The following OGDH variants were observed in gnomAD, a reference collection of about 807,000 sequenced individuals.
The protein encoded by OGDH is oxoglutarate dehydrogenase.
In OGDH, 38 loss-of-function variants were observed where a neutral mutation model predicts 116.6. The observed-to-expected ratio is 0.33, with a 90% CI of 0.25 to 0.43. The LOEUF (loss-of-function observed/expected upper bound fraction) is 0.43. OGDH is among the 20% of genes least tolerant of loss of function. The pLI, the probability that OGDH is intolerant of heterozygous loss-of-function variation, is 1.00. For missense variants in OGDH, 825 were observed against 1,357.2 expected (o/e 0.61, Z 6.16); for synonymous variants, 488 against 533.3 (o/e 0.92, Z 1.17).
chr7:44,629,607 T>C (rs1386767807), intron 2 of OGDH, among the ~76,000 whole-genome samples: 1 of 142,572 alleles, frequency 7.0e-6, no homozygotes, highest in Non-Finnish European at 1.5e-5. Context: ...TTGAGACGAG[T>C]CTCGCTCTGT....
chr7:44,673,731 CATT>C (rs1483975555), intron 5 of OGDH, 53 bp from the exon 6 acceptor site: 6 of 1,583,088 alleles, frequency 3.8e-6, no homozygotes, highest in Non-Finnish European at 5.2e-6. Context: ...CGGCAGTCTT[CATT>C]CAGCCAGGCC....
chr7:44,638,781 G>A (rs185799997), intron 2 of OGDH, among the ~76,000 whole-genome samples: 5 of 152,302 alleles, frequency 3.3e-5, no homozygotes, highest in African/African-American at 1.2e-4. Flanking sequence ...ATCCCTTCCA[G>A]GTGTCTCTTC....
chr7:44,702,797 C>T (rs573997319), intron 20 of OGDH, among the ~76,000 whole-genome samples: 34 of 152,118 alleles, frequency 2.2e-4, no homozygotes, highest in African/African-American at 7.7e-4. Context: ...GGGGTTTCAC[C>T]GTGTTAGCCA....
At chr7:44,609,970 G>A (rs1051902830) in intron 1 of OGDH, among the ~76,000 whole-genome samples, 2 of 151,928 alleles carry the variant, frequency 1.3e-5, no homozygotes, top group Non-Finnish European at 2.9e-5. Flanking sequence ...GTGCTTATTT[G>A]CCATCTGTCT....
chr7:44,705,782 CA>C (rs1554311268), intron 20 of OGDH, among the ~76,000 whole-genome samples: 1 of 152,168 alleles, frequency 6.6e-6, no homozygotes, highest in Non-Finnish European at 1.5e-5. Context: ...TATAGAAACA[CA>C]ACTGGTTTTG....
rs756313461 is a variant in OGDH at position 44,701,632 on chromosome 7, T to C, written c.2632+17T>C. 7.6e-5 allele frequency: 122 copies of C among 1,612,486 alleles called. No homozygotes were observed. The Admixed American group carries it at 1.7e-3, about 23-fold the overall frequency. On this transcript the variant is annotated intron_variant, in intron 20 of 22. Coordinates refer to ENST00000222673, the MANE Select transcript of OGDH (RefSeq NM_002541.4). ...TGCTTCCAGGTGGGTGTGAGGGAGA[T>C]GGGCATTTCCTTGGGGGAAGCTATG...
At chr7:44,647,601 T>A in intron 3 of OGDH, 56 bp from the exon 4 acceptor site, 1 of 1,591,660 alleles carries the variant, frequency 6.3e-7, no homozygotes, top group Non-Finnish European at 8.6e-7. Flanking sequence ...TTCCCTCTTT[T>A]TTTTTCTTCT....
intron 2 of OGDH, among the ~76,000 whole-genome samples, chr7:44,636,352 C>T (rs1785669043): frequency 3.3e-5 from 5 of 152,212 alleles, no homozygotes; most frequent in Admixed American, 2.6e-4. Flanking sequence ...GAGCTTGGCC[C>T]TCAAGACTCC....
chr7:44,708,082 G>A lies in OGDH; in HGVS notation c.*83G>A. 6.5e-7 allele frequency: 1 copy of A among 1,532,624 alleles called. No homozygotes were observed. The allele number at this position is 1,532,624 out of a possible 1,614,324, so 94.9% of individuals were successfully genotyped here. The stretch of plus-strand genomic sequence containing the variant: ...TTCTCAACTAAAGAATAGTGCCTCA[G>A]CGCTGCCCACACCACCGCCCTCCTC... On this transcript the variant is annotated 3_prime_UTR_variant, in exon 23 of 23. Coordinates refer to ENST00000222673, the MANE Select transcript of OGDH (RefSeq NM_002541.4).
chr7:44,647,679 A>C lies in OGDH; in HGVS notation c.437A>C (p.Gln146Pro), dbSNP rs1022406415. ...TAGATACGAGGGCACCATGTAGCACAGCTGGACCCCCTGGGGATTTTGGAT... is the reference window on the plus strand; with the variant it reads ...TAGATACGAGGGCACCATGTAGCACCGCTGGACCCCCTGGGGATTTTGGAT... ...AYQIRGHHVA[Q>P]LDPLGILDAD... The change falls in exon 4 of 23, where the codon CAG becomes CCG. Residue 146 changes from glutamine (Q) to proline (P), a missense_variant. By Grantham distance (76) the Gln-to-Pro change is moderately conservative. Coordinates refer to ENST00000222673, the MANE Select transcript of OGDH (RefSeq NM_002541.4). 5 of 1,613,628 alleles carry C rather than the reference A, an allele frequency of 3.1e-6. No individual in the cohort carries two copies. The highest frequency in any genetic ancestry group is 2.7e-5 in the African/African-American group (2 of 74,756).
chr7:44,665,305 A>AT (rs1787136903), intron 4 of OGDH, among the ~76,000 whole-genome samples: 1 of 151,004 alleles, frequency 6.6e-6, no homozygotes, highest in Non-Finnish European at 1.5e-5. Context: ...AAAAAAAAAA[A>AT]GCCAGATTTG....
At chr7:44,663,202 T>C (rs1787025122) in intron 4 of OGDH, among the ~76,000 whole-genome samples, 1 of 152,254 alleles carries the variant, frequency 6.6e-6, no homozygotes, top group South Asian at 2.1e-4. Context: ...CATTCTGCCA[T>C]TGAGCCTATC....
chr7:44,635,700 C>T (rs946224281), intron 2 of OGDH, among the ~76,000 whole-genome samples: 4 of 151,540 alleles, frequency 2.6e-5, no homozygotes, highest in African/African-American at 9.7e-5. Flanking sequence ...TGTGCAAGGA[C>T]TTTATAATTT....
chr7:44,693,312 A>G (rs1409850662), intron 10 of OGDH, among the ~76,000 whole-genome samples: 1 of 152,116 alleles, frequency 6.6e-6, no homozygotes, highest in Non-Finnish European at 1.5e-5. Context: ...GTCTCAAAAA[A>G]AAAAAAAAAT....
intron 10 of OGDH, among the ~76,000 whole-genome samples, chr7:44,686,689 C>CTTTTT (rs35917984): frequency 7.5e-6 from 1 of 133,240 alleles, no homozygotes; most frequent in Non-Finnish European, 1.6e-5. Flanking sequence ...TTCTTTTTTT[C>CTTTTT]TTTTTTTTTT....
chr7:44,680,589 T>C (rs1787889439), intron 9 of OGDH, among the ~76,000 whole-genome samples: 1 of 151,788 alleles, frequency 6.6e-6, no homozygotes, highest in Non-Finnish European at 1.5e-5. Flanking sequence ...TAGCCATGTA[T>C]ATGTGCGCCT....
chr7:44,678,318 G>A (rs1449664972), intron 9 of OGDH, among the ~76,000 whole-genome samples: 1 of 152,166 alleles, frequency 6.6e-6, no homozygotes, highest in African/African-American at 2.4e-5. Context: ...CATTTGGGCT[G>A]AGTAGTGGAA....
chr7:44,661,362 A>G (rs935176839), intron 4 of OGDH, among the ~76,000 whole-genome samples: 2 of 152,020 alleles, frequency 1.3e-5, no homozygotes, highest in African/African-American at 4.8e-5. Flanking sequence ...TTTCTTGTGG[A>G]TAAGCATATA....
chr7:44,675,506 G>A (rs941792266), intron 8 of OGDH, among the ~76,000 whole-genome samples: 6 of 152,110 alleles, frequency 3.9e-5, no homozygotes, highest in African/African-American at 9.7e-5. Flanking sequence ...GCTGAGGGAC[G>A]TTCTCCTTAT....
Sources: gnomAD v4.1 joint callset for allele counts (sites outside exome capture counted in the v4.1 genomes callset) on GRCh38, gnomAD v4.1.1 for gene constraint, MANE v1.5 for transcripts, NCBI Gene and HGNC (gene_info 2026-07-23, HGNC 2026-07-21) for gene names.